The following IDE variants were observed in gnomAD, a reference collection of about 807,000 sequenced individuals.
IDE encodes the protein insulin degrading enzyme.
IDE carries 58 observed loss-of-function variants against 133.2 expected under a neutral mutation model. The ratio of observed to expected loss-of-function variants is 0.44; its 90% confidence interval spans 0.35 to 0.54. The LOEUF (loss-of-function observed/expected upper bound fraction) is 0.54, where lower values mean the gene tolerates loss of function less well. Ranked by LOEUF, IDE falls within the 20% of genes least tolerant of loss-of-function variation. IDE has a pLI of 0.00. For missense variants in IDE, 981 were observed against 1,234.0 expected (o/e 0.79, Z 3.07); for synonymous variants, 396 against 421.3 (o/e 0.94, Z 0.73).
At chr10:92,487,027 T>C (rs1847037453) in intron 13 of IDE, among the ~76,000 whole-genome samples, 169 bp downstream of exon 13, 1 of 152,224 alleles carries the variant, frequency 6.6e-6, no homozygotes, top group African/African-American at 2.4e-5. Context: ...TTAATATTTT[T>C]AACCTTCTAA....
chr10:92,501,688 A>T (rs2135512792), intron 11 of IDE, among the ~76,000 whole-genome samples: 1 of 150,618 alleles, frequency 6.6e-6, no homozygotes, highest in Non-Finnish European at 1.5e-5. Context: ...AGAAAAAAGA[A>T]AAAAGGCCGG....
intron 1 of IDE, among the ~76,000 whole-genome samples, chr10:92,557,945 T>C (rs1346048149): frequency 1.3e-5 from 2 of 150,756 alleles, no homozygotes; most frequent in African/African-American, 4.9e-5. Flanking sequence ...CAAATGGTAC[T>C]GGATATCCAC....
intron 1 of IDE, among the ~76,000 whole-genome samples, chr10:92,545,670 G>A (rs1166087984): frequency 6.6e-6 from 1 of 152,162 alleles, no homozygotes; most frequent in African/African-American, 2.4e-5. Context: ...CTTCAGTGGT[G>A]GCATGAAGTT....
chr10:92,479,775 C>A, intron 14 of IDE: 1 of 175,614 alleles, frequency 5.7e-6, no homozygotes, highest in Admixed American at 6.0e-5. Context: ...TGTGCTTAGG[C>A]TAATGGGAGG....
In IDE at chr10:92,573,922, C is replaced by T. The variant is rs1327507624; in HGVS notation, c.98G>A (p.Gly33Asp). 1.4e-6 allele frequency: 2 copies of T among 1,463,022 alleles called. No homozygotes were observed. The highest frequency in any genetic ancestry group is 1.5e-5 in the African/African-American group (1 of 66,712). 90.6% of individuals were successfully genotyped at this position (1,463,022 alleles called of 1,614,324 possible). A position where few individuals can be genotyped will look rare whatever the true frequency, so the allele number is the denominator to read the frequency against. The part of the protein sequence containing the change: ...ARLPPPERLC[G>D]FQKKTYSKMN... Reference sequence around the variant, plus strand: ...GGCCCGGGCGCTCCATTCCGCTTACCCACACAGGCGCTCCGGAGGCGGCAG... The same window carrying T: ...GGCCCGGGCGCTCCATTCCGCTTACTCACACAGGCGCTCCGGAGGCGGCAG... Residue 33 changes from glycine (G) to aspartate (D), a missense_variant and splice_region_variant, in exon 1 of 25, where the codon GGT becomes GAT. By Grantham distance (94) the Gly-to-Asp change is moderately conservative. Around this residue, in one of 2 missense-constraint regions of IDE, gnomAD observed 321 missense variants for 339.3 expected, o/e 0.95. Coordinates refer to ENST00000265986, the MANE Select transcript of IDE (RefSeq NM_004969.4).
At chr10:92,510,745 GCA>G (rs1426526254) in intron 5 of IDE, among the ~76,000 whole-genome samples, 2 of 145,834 alleles carry the variant, frequency 1.4e-5, no homozygotes, top group Non-Finnish European at 1.5e-5. Context: ...ATGAAATATA[GCA>G]CATACATCTC....
intron 19 of IDE, 148 bp downstream of exon 19, chr10:92,468,731 T>C (rs1392701455): frequency 4.0e-6 from 2 of 498,364 alleles, no homozygotes; most frequent in East Asian, 3.0e-5. Context: ...TTTGGCAGAA[T>C]TACCTATCTC....
chr10:92,502,843 AG>A (rs1412976008), intron 11 of IDE, among the ~76,000 whole-genome samples: 1 of 152,232 alleles, frequency 6.6e-6, no homozygotes, highest in Non-Finnish European at 1.5e-5. Flanking sequence ...ATGAATTCAC[AG>A]CTGTCAGTAA....
At chr10:92,569,970 T>C (rs1023422233) in intron 1 of IDE, among the ~76,000 whole-genome samples, 2 of 152,072 alleles carry the variant, frequency 1.3e-5, no homozygotes, top group Admixed American at 1.3e-4. Context: ...ATTAGTTGTG[T>C]GTGGTGGCAC....
At chr10:92,502,304 A>C (rs887729012) in intron 11 of IDE, among the ~76,000 whole-genome samples, 8 of 151,570 alleles carry the variant, frequency 5.3e-5, no homozygotes, top group African/African-American at 1.9e-4. Flanking sequence ...GTCTTCTTTC[A>C]TTTTTCTCGG....
At chr10:92,556,133 A>G (rs1169924330) in intron 1 of IDE, among the ~76,000 whole-genome samples, 1 of 134,478 alleles carries the variant, frequency 7.4e-6, no homozygotes, top group African/African-American at 2.9e-5. Flanking sequence ...AGATTGCACC[A>G]CTGCAGTCCG....
intron 1 of IDE, among the ~76,000 whole-genome samples, chr10:92,564,925 C>T (rs973874885): frequency 1.5e-4 from 23 of 151,604 alleles, no homozygotes; most frequent in African/African-American, 5.6e-4. Context: ...AACAAAGCAA[C>T]AGAAAATTTC....
chr10:92,485,613 G>A (rs772551226), intron 13 of IDE, among the ~76,000 whole-genome samples: 5 of 152,106 alleles, frequency 3.3e-5, no homozygotes, highest in Middle Eastern at 3.2e-3. Context: ...ATGGTTTAAT[G>A]TTCTCGTTAG....
chr10:92,477,011 C>T (rs1846291991), intron 15 of IDE, among the ~76,000 whole-genome samples: 1 of 152,178 alleles, frequency 6.6e-6, no homozygotes, highest in Non-Finnish European at 1.5e-5. Context: ...GCTGGGATTA[C>T]AGGCATGAGC....
chr10:92,521,385 G>T (rs1849217032), intron 4 of IDE, among the ~76,000 whole-genome samples: 1 of 151,510 alleles, frequency 6.6e-6, no homozygotes, highest in African/African-American at 2.4e-5. Context: ...AAACTACATT[G>T]TTAGGGGTGC....
chr10:92,496,728 G>C (rs1847724189), intron 11 of IDE, among the ~76,000 whole-genome samples: 1 of 152,262 alleles, frequency 6.6e-6, no homozygotes, highest in African/African-American at 2.4e-5. Flanking sequence ...CGAGGCTGCA[G>C]TGAGCCGAGA....
intron 5 of IDE, among the ~76,000 whole-genome samples, chr10:92,511,638 G>T (rs1848635949): frequency 6.6e-6 from 1 of 151,980 alleles, no homozygotes; most frequent in Non-Finnish European, 1.5e-5. Context: ...TCTCTTTTGT[G>T]CCTTTAAGTG....
At chr10:92,472,825 C>T (rs1007802539) in intron 17 of IDE, among the ~76,000 whole-genome samples, 3 of 150,150 alleles carry the variant, frequency 2.0e-5, no homozygotes, top group African/African-American at 7.4e-5. Flanking sequence ...TTTTTGTAGA[C>T]GTGGGTTTCA....
intron 13 of IDE, among the ~76,000 whole-genome samples, 166 bp downstream of exon 13, chr10:92,487,030 C>A (rs373801745): frequency 2.6e-5 from 4 of 152,146 alleles, no homozygotes; most frequent in African/African-American, 9.7e-5. Context: ...ATATTTTTAA[C>A]CTTCTAATAT....
Sources: allele counts gnomAD v4.1 joint callset (sites outside exome capture counted in the v4.1 genomes callset), GRCh38; gene constraint gnomAD v4.1.1; regional missense constraint gnomAD v4.1.1; transcripts MANE v1.5; gene names NCBI Gene and HGNC (gene_info 2026-07-23, HGNC 2026-07-21).